The following GPC6 variants were observed in gnomAD, a reference collection of about 807,000 sequenced individuals.
The protein encoded by GPC6 is glypican-6.
In GPC6, 14 loss-of-function variants were observed where a neutral mutation model predicts 55.2. The observed-to-expected ratio is 0.25, with a 90% confidence interval of 0.17 to 0.40. The LOEUF is 0.40. Ranked by LOEUF, GPC6 falls within the 10% of genes least tolerant of loss-of-function variation. The pLI, the probability that GPC6 is intolerant of heterozygous loss-of-function variation, is 1.00. For missense variants in GPC6, 641 were observed against 708.5 expected, an observed-to-expected ratio of 0.90 and a Z score of 1.08; for synonymous variants, 278 against 259.6, an observed-to-expected ratio of 1.07 and a Z score of -0.68.
chr13:93,690,767 G>A (rs1213055595), intron 2 of GPC6, among the ~76,000 whole-genome samples: 1 of 152,058 alleles, frequency 6.6e-6, no homozygotes, highest in Non-Finnish European at 1.5e-5. Context: ...GCCTGGAATT[G>A]TAGCCAAGAT....
At position 93,412,011 on chromosome 13, in the gene GPC6, A is replaced by T. The variant is rs796072339; in HGVS notation, c.161-133252A>T. On this transcript the variant is annotated intron_variant, in intron 1 of 8. Transcript: ENST00000377047. ...GAGAGGGACTATGTCTCAAAAAAAA[A>T]AAATAAATAAAATAAAAATAAATAG... Among the ~76,000 whole-genome samples, 799 of 151,982 alleles carry T rather than the reference A, an allele frequency of 5.3e-3. 6 individuals carry two copies. The highest frequency in any genetic ancestry group is 0.014 in the African/African-American group (598 of 41,490).
intron 1 of GPC6, among the ~76,000 whole-genome samples, chr13:93,469,614 C>T (rs765079721): frequency 1.3e-5 from 2 of 152,094 alleles, no homozygotes; most frequent in Non-Finnish European, 2.9e-5. Context: ...TTGGACTCAT[C>T]AGCACCAATG....
chr13:93,523,488 C>T (rs1208410498), intron 1 of GPC6, among the ~76,000 whole-genome samples: 9 of 151,438 alleles, frequency 5.9e-5, no homozygotes, highest in Non-Finnish European at 1.3e-4. Context: ...CATACACATA[C>T]ATATATGTGT....
At chr13:93,913,267 C>T (rs531141869) in intron 3 of GPC6, among the ~76,000 whole-genome samples, 5 of 152,260 alleles carry the variant, frequency 3.3e-5, no homozygotes, top group East Asian at 1.9e-4. Flanking sequence ...AGGCCAAAGG[C>T]GAGGAATGTG....
intron 2 of GPC6, among the ~76,000 whole-genome samples, chr13:93,766,782 T>C (rs1012363788): frequency 6.6e-6 from 1 of 152,116 alleles, no homozygotes; most frequent in Admixed American, 6.6e-5. Flanking sequence ...TAAAATAGTA[T>C]TTCATGTGAC....
intron 2 of GPC6, among the ~76,000 whole-genome samples, chr13:93,826,075 G>A (rs1201554419): frequency 1.3e-5 from 2 of 151,844 alleles, no homozygotes; most frequent in East Asian, 2.0e-4. Flanking sequence ...GTCCAGGCTG[G>A]TCTCGAACTC....
At chr13:94,293,406 C>T (rs1875114210) in intron 5 of GPC6, among the ~76,000 whole-genome samples, 1 of 152,170 alleles carries the variant, frequency 6.6e-6, no homozygotes, top group Non-Finnish European at 1.5e-5. Context: ...ACAGTTCCTC[C>T]TTCACACACT....
intron 2 of GPC6, among the ~76,000 whole-genome samples, chr13:93,732,411 A>G (rs1462761308): frequency 6.6e-6 from 1 of 152,158 alleles, no homozygotes; most frequent in Non-Finnish European, 1.5e-5. Context: ...TCAAGTGAAA[A>G]AGACAAGCAA....
At chr13:93,382,627 G>A (rs1875227409) in intron 1 of GPC6, among the ~76,000 whole-genome samples, 1 of 152,108 alleles carries the variant, frequency 6.6e-6, no homozygotes, top group African/African-American at 2.4e-5. Flanking sequence ...GAGCTATGTT[G>A]CCAGTCAAAT....
At chr13:93,598,395 T>C (rs1206933183) in intron 2 of GPC6, among the ~76,000 whole-genome samples, 1 of 152,188 alleles carries the variant, frequency 6.6e-6, no homozygotes, top group African/African-American at 2.4e-5. Flanking sequence ...CTCTTTACAT[T>C]CAACTAAGAG....
intron 3 of GPC6, among the ~76,000 whole-genome samples, chr13:93,836,983 T>C (rs1332809011): frequency 6.6e-6 from 1 of 152,190 alleles, no homozygotes; most frequent in East Asian, 1.9e-4. Context: ...TCACTTTGAT[T>C]AAAACAATTT....
intron 1 of GPC6, among the ~76,000 whole-genome samples, chr13:93,437,340 T>G: frequency 6.6e-6 from 1 of 152,154 alleles, no homozygotes; most frequent in East Asian, 1.9e-4. Context: ...TTAAGCTTAG[T>G]GAGGAAGGCA....
At chr13:93,386,192 GAAT>G (rs148281086) in intron 1 of GPC6, among the ~76,000 whole-genome samples, 16,085 of 151,708 alleles carry the variant, frequency 0.11, 937 homozygotes, top group African/African-American at 0.12. Flanking sequence ...CAAGTTCAGC[GAAT>G]AACTGTAGAC....
chr13:94,101,887 C>A (rs1406898994), intron 4 of GPC6, among the ~76,000 whole-genome samples: 4 of 151,526 alleles, frequency 2.6e-5, no homozygotes, highest in Admixed American at 1.3e-4. Flanking sequence ...TGCTGTTTAC[C>A]TTTATTATGC....
chr13:93,687,621 A>G (rs1391397978), intron 2 of GPC6, among the ~76,000 whole-genome samples: 1 of 152,134 alleles, frequency 6.6e-6, no homozygotes, highest in Non-Finnish European at 1.5e-5. Flanking sequence ...TTGTTAATTT[A>G]TAAAGATATT....
chr13:93,713,084 C>T lies in GPC6; in HGVS notation c.320-117070C>T, dbSNP rs148254939. Among the ~76,000 whole-genome samples, 6 of 151,494 alleles carry T rather than the reference C, an allele frequency of 4.0e-5. No individual in the cohort carries two copies. The East Asian group carries it at 1.2e-3, about 30-fold the overall frequency. Reference sequence around the variant, plus strand: ...CAATTTAAGAGATGTATCTGGATGGCTCTTTGATTAAACAGAAATTAAAAA... The same window carrying T: ...CAATTTAAGAGATGTATCTGGATGGTTCTTTGATTAAACAGAAATTAAAAA... On this transcript the variant is annotated intron_variant, in intron 2 of 8. Coordinates refer to ENST00000377047, the MANE Select transcript of GPC6 (RefSeq NM_005708.5).
intron 1 of GPC6, among the ~76,000 whole-genome samples, chr13:93,291,812 G>A (rs1878327415): frequency 6.6e-6 from 1 of 151,910 alleles, no homozygotes; most frequent in African/African-American, 2.4e-5. Flanking sequence ...AGTGTGTAGT[G>A]GTATTTCCCA....
At chr13:94,067,304 T>C (rs931247336) in intron 4 of GPC6, among the ~76,000 whole-genome samples, 3 of 152,216 alleles carry the variant, frequency 2.0e-5, no homozygotes, top group Non-Finnish European at 4.4e-5. Context: ...TCCTTTGTTT[T>C]ACTGCTGAGG....
intron 4 of GPC6, among the ~76,000 whole-genome samples, chr13:94,075,250 C>T (rs1245510258): frequency 6.6e-6 from 1 of 152,126 alleles, no homozygotes; most frequent in Non-Finnish European, 1.5e-5. Context: ...CGTGTATCAG[C>T]TTTACTGAGA....
Sources: allele counts gnomAD v4.1 joint callset (sites outside exome capture counted in the v4.1 genomes callset), GRCh38; gene constraint gnomAD v4.1.1; transcripts MANE v1.5; gene names NCBI Gene and HGNC (gene_info 2026-07-23, HGNC 2026-07-21).